The following RANBP2 variants were observed in gnomAD, a reference collection of about 807,000 sequenced individuals.
The protein encoded by RANBP2 is RAN binding protein 2.
In RANBP2, 57 loss-of-function variants were observed where a neutral mutation model predicts 303.6. That is an observed-to-expected ratio of 0.19 (90% CI 0.15 to 0.23). RANBP2 has a LOEUF of 0.23. Among genes scored for constraint, RANBP2 ranks in the 10% least tolerant of loss-of-function variants. RANBP2 has a pLI of 1.00. For missense variants in RANBP2, 3,138 were observed against 3,780.8 expected (o/e 0.83, Z 4.46); for synonymous variants, 1,167 against 1,301.5 (o/e 0.90, Z 2.23).
Position 108,731,677 on chromosome 2 carries a change from T to A in RANBP2, c.405+203T>A, listed in dbSNP as rs563666414. ...TTATACTTTATAAGTGACATCTCAT[T>A]TACCTTTCTGGAATAATTAATATTT... On this transcript the variant is annotated intron_variant, in intron 4 of 28. Transcript: ENST00000283195. The A allele has an allele frequency of 3.0e-3, 3,110 of 1,025,578 alleles. 75 individuals are homozygous for A. The South Asian group carries it at 0.036, about 12-fold the overall frequency. 63.5% of individuals were successfully genotyped at this position (1,025,578 alleles called of 1,614,324 possible).
chr2:108,808,614 T>G, the RANBP2 span, among the ~76,000 whole-genome samples: 1 of 152,236 alleles, frequency 6.6e-6, no homozygotes, highest in Admixed American at 6.5e-5. Flanking sequence ...TGATTAGTGA[T>G]ATTGAGCATT....
chr2:109,277,756 G>A, the RANBP2 span, among the ~76,000 whole-genome samples: 3 of 152,220 alleles, frequency 2.0e-5, no homozygotes, highest in African/African-American at 7.2e-5. Context: ...GGGTGGATGT[G>A]TAGGTTTTGG....
the RANBP2 span, among the ~76,000 whole-genome samples, chr2:109,334,483 C>A: frequency 6.6e-6 from 1 of 152,204 alleles, no homozygotes; most frequent in Middle Eastern, 3.4e-3. Flanking sequence ...TGCGGACTTT[C>A]CTCGCAATAA....
chr2:108,766,036 T>G lies in RANBP2; in HGVS notation c.5497T>G (p.Ser1833Ala). ...LGSEMKLHDSSGSQVGTGFKS... is the reference protein window; with the variant it reads ...LGSEMKLHDSAGSQVGTGFKS... ...CTCAGAAATGAAGTTGCATGACTCT[T>G]CTGGAAGTCAGGTGGGAACAGGATT... The change falls in exon 20 of 29, where the codon TCT becomes GCT. Residue 1833 changes from serine (S) to alanine (A), a missense_variant. Transcript: ENST00000283195. The G allele has an allele frequency of 6.2e-7, 1 of 1,614,168 alleles. No individual in the cohort carries two copies.
the RANBP2 span, among the ~76,000 whole-genome samples, chr2:109,172,286 G>C: frequency 1.3e-5 from 2 of 152,352 alleles, no homozygotes; most frequent in South Asian, 4.1e-4. Flanking sequence ...CGTGTGGCCT[G>C]TGCTGTTTCT....
At chr2:109,071,474 G>A in the RANBP2 span, among the ~76,000 whole-genome samples, 1 of 152,136 alleles carries the variant, frequency 6.6e-6, no homozygotes. Flanking sequence ...AGGAGTTCAA[G>A]ACCAGCCTGG....
At chr2:108,932,603 A>G in the RANBP2 span, among the ~76,000 whole-genome samples, 12 of 151,744 alleles carry the variant, frequency 7.9e-5, no homozygotes, top group Admixed American at 7.9e-4. Context: ...TGTGTAAGTC[A>G]GCAGCCAGGG....
the RANBP2 span, among the ~76,000 whole-genome samples, chr2:109,221,872 A>G: frequency 6.6e-6 from 1 of 152,210 alleles, no homozygotes; most frequent in African/African-American, 2.4e-5. Context: ...TCCAAAGGAA[A>G]AGAAATCAGT....
the RANBP2 span, among the ~76,000 whole-genome samples, chr2:109,097,497 G>A: frequency 6.6e-6 from 1 of 152,022 alleles, no homozygotes; most frequent in Non-Finnish European, 1.5e-5. Context: ...TCTTTCAGAA[G>A]CCTTATTGCT....
chr2:109,228,328 T>A, the RANBP2 span, among the ~76,000 whole-genome samples: 1 of 152,226 alleles, frequency 6.6e-6, no homozygotes, highest in Non-Finnish European at 1.5e-5. Context: ...GTAGACAGCA[T>A]CTCTGTTAGT....
chr2:109,272,677 G>A, the RANBP2 span, among the ~76,000 whole-genome samples: 1 of 152,248 alleles, frequency 6.6e-6, no homozygotes, highest in Non-Finnish European at 1.5e-5. Flanking sequence ...GCGCTGAGTT[G>A]TCATGGAGAC....
the RANBP2 span, among the ~76,000 whole-genome samples, chr2:109,284,348 C>T: frequency 6.6e-6 from 1 of 152,314 alleles, no homozygotes; most frequent in Admixed American, 6.5e-5. Context: ...CTGATAGCAA[C>T]CAAAATTATC....
chr2:109,077,477 A>G, the RANBP2 span, among the ~76,000 whole-genome samples: 1 of 150,618 alleles, frequency 6.6e-6, no homozygotes, highest in Non-Finnish European at 1.5e-5. Flanking sequence ...AGATTAAACT[A>G]GAAGCTTCTG....
the RANBP2 span, among the ~76,000 whole-genome samples, chr2:109,374,737 C>T: frequency 6.6e-6 from 1 of 152,244 alleles, no homozygotes; most frequent in African/African-American, 2.4e-5. Context: ...TCCTCCACAG[C>T]CGCTCCAGCC....
chr2:108,775,827 T>A lies in RANBP2; in HGVS notation c.8388T>A (p.Pro2796=). The change falls in exon 24 of 29, where the codon CCT becomes CCA. Residue 2796 remains proline (P), a synonymous_variant. Transcript: ENST00000283195. Reference sequence around the variant, plus strand: ...CTTCTTTCTGTAAATCTGAAGAACCTGATTCTATTACCAAATCCATTAGTT... The same window carrying A: ...CTTCTTTCTGTAAATCTGAAGAACCAGATTCTATTACCAAATCCATTAGTT... The part of the protein sequence containing the change: ...MVPSFCKSEE[P]DSITKSISSP... 1 of 1,613,844 alleles carries A rather than the reference T, an allele frequency of 6.2e-7. No individual in the cohort carries two copies. The highest frequency in any genetic ancestry group is 8.5e-7 in the Non-Finnish European group (1 of 1,179,920).
At chr2:109,307,308 C>T in the RANBP2 span, among the ~76,000 whole-genome samples, 3 of 152,164 alleles carry the variant, frequency 2.0e-5, no homozygotes, top group Non-Finnish European at 4.4e-5. Context: ...TGAAGATGTT[C>T]TGCTAGGATG....
the RANBP2 span, chr2:109,313,624 G>A: frequency 6.5e-6 from 1 of 155,006 alleles, no homozygotes; most frequent in Admixed American, 6.5e-5. Flanking sequence ...GGCCAGCAGT[G>A]GGGCTCACTG....
At chr2:108,741,866 A>G (rs1696129876) in intron 7 of RANBP2, among the ~76,000 whole-genome samples, 2 of 149,958 alleles carry the variant, frequency 1.3e-5, no homozygotes, top group Non-Finnish European at 3.0e-5. Flanking sequence ...AGGAAAAGAA[A>G]TAAGTAGTCT....
At chr2:108,841,282 T>C in the RANBP2 span, among the ~76,000 whole-genome samples, 1 of 152,198 alleles carries the variant, frequency 6.6e-6, no homozygotes, top group Admixed American at 6.5e-5. Flanking sequence ...ATCCTGTTGG[T>C]TGATGGTGTT....
Sources: allele counts gnomAD v4.1 joint callset (sites outside exome capture counted in the v4.1 genomes callset), GRCh38; gene constraint gnomAD v4.1.1; transcripts MANE v1.5; gene names NCBI Gene and HGNC (gene_info 2026-07-23, HGNC 2026-07-21).